The following CNTN4 variants were observed in gnomAD, a reference collection of about 807,000 sequenced individuals.
CNTN4 encodes contactin-4.
CNTN4 carries 77 observed loss-of-function variants against 122.5 expected under a neutral mutation model. The observed-to-expected ratio is 0.63, with a 90% CI of 0.52 to 0.76. The LOEUF (loss-of-function observed/expected upper bound fraction) is 0.76. Ranked by LOEUF, CNTN4 falls within the 30% of genes least tolerant of loss-of-function variation. The probability of loss-of-function intolerance (pLI) is 0.00; values close to 1 mark genes in which losing one functional copy is unlikely to be tolerated. For missense variants in CNTN4, 1,256 were observed against 1,259.1 expected (o/e 1.00, Z 0.04); for synonymous variants, 512 against 447.0 (o/e 1.15, Z -1.83).
chr3:2,399,193 C>T (rs1312503077), intron 3 of CNTN4, among the ~76,000 whole-genome samples: 1 of 152,030 alleles, frequency 6.6e-6, no homozygotes, highest in Non-Finnish European at 1.5e-5. Context: ...TCTGGGGTCC[C>T]TTTCTGTTCT....
At chr3:2,782,674 G>A (rs1031454184) in intron 6 of CNTN4, among the ~76,000 whole-genome samples, 8 of 152,104 alleles carry the variant, frequency 5.3e-5, no homozygotes, top group African/African-American at 1.9e-4. Flanking sequence ...TTTGGGGATC[G>A]AAAACTAGTA....
At chr3:2,534,647 G>T (rs2149256274) in intron 3 of CNTN4, among the ~76,000 whole-genome samples, 1 of 151,940 alleles carries the variant, frequency 6.6e-6, no homozygotes, top group Admixed American at 6.6e-5. Flanking sequence ...CCAGCTGAGG[G>T]CTGTGACTTC....
intron 3 of CNTN4, chr3:2,511,698 G>GT (rs2076892190): frequency 6.6e-6 from 1 of 152,314 alleles, no homozygotes; most frequent in Non-Finnish European, 1.5e-5. Flanking sequence ...TTTACAGTCT[G>GT]TAAGTACCAG....
chr3:2,863,604 A>C (rs1029065320), intron 7 of CNTN4, among the ~76,000 whole-genome samples: 2 of 152,086 alleles, frequency 1.3e-5, no homozygotes, highest in African/African-American at 4.8e-5. Flanking sequence ...TACAGTTAAT[A>C]ATCCGTATAT....
At chr3:2,960,829 A>G (rs920398200) in intron 13 of CNTN4, among the ~76,000 whole-genome samples, 2 of 152,184 alleles carry the variant, frequency 1.3e-5, no homozygotes, top group African/African-American at 2.4e-5. Context: ...GCTTTGGCCA[A>G]TGAAATGGTA....
intron 3 of CNTN4, among the ~76,000 whole-genome samples, chr3:2,496,068 G>A (rs1258448583): frequency 1.3e-5 from 2 of 152,106 alleles, no homozygotes; most frequent in African/African-American, 4.8e-5. Context: ...TTTCTACCTG[G>A]GAGATATCAG....
intron 3 of CNTN4, among the ~76,000 whole-genome samples, chr3:2,358,653 T>C (rs551696770): frequency 6.6e-6 from 1 of 152,244 alleles, no homozygotes; most frequent in South Asian, 2.1e-4. Flanking sequence ...TTAGCAGGTA[T>C]AAGTGAGAAT....
intron 4 of CNTN4, among the ~76,000 whole-genome samples, chr3:2,675,730 C>G (rs994684548): frequency 2.0e-5 from 3 of 152,102 alleles, no homozygotes; most frequent in African/African-American, 7.2e-5. Flanking sequence ...TAACAGGGGA[C>G]CCAGGTCTTG....
At chr3:2,387,920 G>A (rs184978641) in intron 3 of CNTN4, among the ~76,000 whole-genome samples, 1 of 152,202 alleles carries the variant, frequency 6.6e-6, no homozygotes, top group East Asian at 1.9e-4. Context: ...CATGCAAGCT[G>A]TGAAGTTCTA....
At chr3:2,679,820 C>G (rs904490339) in intron 4 of CNTN4, among the ~76,000 whole-genome samples, 4 of 152,168 alleles carry the variant, frequency 2.6e-5, no homozygotes, top group African/African-American at 9.7e-5. Flanking sequence ...TTCATTCTCA[C>G]TATAATTGCA....
rs372444161 is a variant in CNTN4, at chr3:3,023,701, G to A, written c.1487-2401G>A. 7.9e-4 allele frequency among the ~76,000 whole-genome samples: 120 copies of A among 152,282 alleles called. 1 individual carries two copies. Among genetic ancestry groups the A allele is most frequent in the African/African-American group, 2.7e-3 (112 of 41,568 alleles). ...TTTAGGCATAAAATCATCACTGCTT[G>A]TTACCTGTCTAAGGCAGTAACTACC... On this transcript the variant is annotated intron_variant, in intron 14 of 24. Transcript: ENST00000418658.
intron 11 of CNTN4, among the ~76,000 whole-genome samples, chr3:2,901,933 T>G (rs1452294769): frequency 6.6e-6 from 1 of 152,140 alleles, no homozygotes; most frequent in Non-Finnish European, 1.5e-5. Context: ...AGGATCAGCC[T>G]CCTGAGGAGT....
intron 6 of CNTN4, among the ~76,000 whole-genome samples, chr3:2,817,747 C>G (rs568694002): frequency 6.6e-6 from 1 of 152,246 alleles, no homozygotes; most frequent in East Asian, 1.9e-4. Context: ...TATCTGTGCA[C>G]AAATGTAGAT....
chr3:2,330,747 G>C (rs2043684952), intron 2 of CNTN4, among the ~76,000 whole-genome samples: 1 of 152,096 alleles, frequency 6.6e-6, no homozygotes, highest in South Asian at 2.1e-4. Flanking sequence ...TAGAGTATAT[G>C]AAATTATCCC....
intron 23 of CNTN4, among the ~76,000 whole-genome samples, chr3:3,048,591 C>A (rs1299072556): frequency 6.6e-6 from 1 of 151,376 alleles, no homozygotes; most frequent in Non-Finnish European, 1.5e-5. Flanking sequence ...ATCTCACGTC[C>A]CATGATAGCT....
intron 7 of CNTN4, among the ~76,000 whole-genome samples, chr3:2,845,670 G>GC (rs1168940474): frequency 6.6e-6 from 1 of 152,112 alleles, no homozygotes; most frequent in African/African-American, 2.4e-5. Context: ...GTTGAGAACA[G>GC]CAAAGGAGGT....
intron 3 of CNTN4, among the ~76,000 whole-genome samples, chr3:2,367,642 C>T (rs926298605): frequency 1.3e-5 from 2 of 152,088 alleles, no homozygotes; most frequent in Non-Finnish European, 2.9e-5. Context: ...TACCACCACA[C>T]CCGGCTAATT....
intron 4 of CNTN4, among the ~76,000 whole-genome samples, chr3:2,599,028 T>C (rs1482532263): frequency 6.6e-6 from 1 of 152,236 alleles, no homozygotes; most frequent in Non-Finnish European, 1.5e-5. Context: ...CTGACATATG[T>C]TGAGTATTGT....
At chr3:2,764,329 A>G (rs2090739262) in intron 6 of CNTN4, among the ~76,000 whole-genome samples, 1 of 152,232 alleles carries the variant, frequency 6.6e-6, no homozygotes, top group Non-Finnish European at 1.5e-5. Context: ...AACTTCACTA[A>G]GAAAATGATT....
Sources: gnomAD v4.1 joint callset for allele counts (sites outside exome capture counted in the v4.1 genomes callset) on GRCh38, gnomAD v4.1.1 for gene constraint, MANE v1.5 for transcripts, NCBI Gene and HGNC (gene_info 2026-07-23, HGNC 2026-07-21) for gene names.